The following CELSR1 variants were observed in gnomAD, a reference collection of about 807,000 sequenced individuals.
The protein encoded by CELSR1 is cadherin EGF LAG seven-pass G-type receptor 1.
Under a neutral mutation model 249.1 loss-of-function variants are expected in CELSR1, and 110 were observed. The ratio of observed to expected loss-of-function variants is 0.44; its 90% CI spans 0.38 to 0.52. The LOEUF (loss-of-function observed/expected upper bound fraction) is 0.52. Among genes scored for constraint, CELSR1 ranks in the 20% least tolerant of loss-of-function variants. The pLI is 0.00. For synonymous variants in CELSR1, 2,113 were observed against 1,900.0 expected (o/e 1.11, Z -2.92); for missense variants, 4,109 against 4,296.4 (o/e 0.96, Z 1.22).
At chr22:46,364,323 C>T in intron 33 of CELSR1, 72 bp from the exon 34 acceptor site, 1 of 1,568,968 alleles carries the variant, frequency 6.4e-7, no homozygotes. Context: ...CCGTGTGCAG[C>T]TGAGCCAGCC....
chr22:46,508,790 G>A (rs1301887101), intron 1 of CELSR1, among the ~76,000 whole-genome samples: 2 of 152,184 alleles, frequency 1.3e-5, no homozygotes, highest in African/African-American at 4.8e-5. Flanking sequence ...GCCGAGACAC[G>A]CCTGCCGCGT....
At chr22:46,491,920 A>T (rs1339419895) in intron 1 of CELSR1, among the ~76,000 whole-genome samples, 1 of 152,220 alleles carries the variant, frequency 6.6e-6, no homozygotes, top group Non-Finnish European at 1.5e-5. Flanking sequence ...TATAGGCATG[A>T]GCCACGATGT....
chr22:46,413,916 G>A lies in CELSR1; in HGVS notation c.4612-2157C>T, dbSNP rs983318176. On this transcript the variant is annotated intron_variant, in intron 5 of 34. Coordinates refer to ENST00000674500, the MANE Select transcript of CELSR1 (RefSeq NM_001378328.1). This position sits in a 1 kb window ranked among gnomAD's most constrained non-coding sequence, Gnocchi z 4.7. Reference sequence around the variant, plus strand: ...ATAATTTACATTTTTGGGGCTGGGCGTGAGACTACTGGAGGAAGGGCGTAA... The same window carrying A: ...ATAATTTACATTTTTGGGGCTGGGCATGAGACTACTGGAGGAAGGGCGTAA... Among the ~76,000 whole-genome samples the A allele has an allele frequency of 2.0e-5, 3 of 152,184 alleles. No homozygotes were observed. The highest frequency in any genetic ancestry group is 2.1e-4 in the South Asian group (1 of 4,822).
Position 46,399,826 on chromosome 22 carries a change from C to A in CELSR1, c.5303G>T (p.Arg1768Leu), listed in dbSNP as rs201891817. 6.2e-7 allele frequency: 1 copy of A among 1,614,100 alleles called. No homozygotes were observed. Among genetic ancestry groups the A allele is most frequent in the Admixed American group, 1.7e-5 (1 of 60,004 alleles). Residue 1768 changes from arginine to leucine, a missense_variant, in exon 10 of 35, where the codon CGG (arginine) becomes CTG (leucine). Around this residue, in one of 7 missense-constraint regions of CELSR1, gnomAD observed 1,805 missense variants for 1,831.6 expected, o/e 0.99. Transcript: ENST00000674500. This position sits in a 1 kb window ranked among gnomAD's most constrained non-coding sequence, Gnocchi z 5.0. The stretch of plus-strand genomic sequence containing the variant: ...GTGGTGCCACTCCCCGTCGGTCACC[C>A]GCAACCCGGACAGCATCACGGACTC... ...DVESVMLSGL[R>L]VTDGEWHHLL...
Position 46,527,967 on chromosome 22 carries a change from T to C in CELSR1, c.3544+5660A>G, listed in dbSNP as rs1602244061. Among the ~76,000 whole-genome samples, 1 of 151,858 alleles carries C rather than the reference T, an allele frequency of 6.6e-6. No homozygotes were observed. The highest frequency in any genetic ancestry group is 1.5e-5 in the Non-Finnish European group (1 of 67,962). On this transcript the variant is annotated intron_variant, in intron 1 of 34. Transcript: ENST00000674500. This position sits in a 1 kb window ranked among gnomAD's most constrained non-coding sequence, Gnocchi z 5.5. Reference sequence around the variant, plus strand: ...AAAATTAGCCAGGCATGATGGCGGGTACCTATAATCCCAGCTACTTGGGAA... The same window carrying C: ...AAAATTAGCCAGGCATGATGGCGGGCACCTATAATCCCAGCTACTTGGGAA...
chr22:46,509,991 C>G (rs78524904), intron 1 of CELSR1, among the ~76,000 whole-genome samples: 4,403 of 152,292 alleles, frequency 0.029, 223 homozygotes, highest in African/African-American at 0.099. Flanking sequence ...CATCTGGCCA[C>G]AGGGCTGGAG....
Position 46,390,561 on chromosome 22 carries a change from T to C in CELSR1, c.6251-75A>G, listed in dbSNP as rs2079079306. 8.2e-7 allele frequency: 1 copy of C among 1,222,448 alleles called. No homozygotes were observed. The highest frequency in any genetic ancestry group is 2.4e-5 in the East Asian group (1 of 40,860). 75.7% of individuals were successfully genotyped at this position (1,222,448 alleles called of 1,614,324 possible). ...AATGCTTGTGTATTTCAATCCACAATCTGAATATACTTAAACCCAGAACAC... is the reference window on the plus strand; with the variant it reads ...AATGCTTGTGTATTTCAATCCACAACCTGAATATACTTAAACCCAGAACAC... On this transcript the variant is annotated intron_variant, in intron 16 of 34. Transcript: ENST00000674500. The surrounding 1 kb of genome is among the most constrained non-coding windows in gnomAD (Gnocchi z 6.3).
At position 46,365,623 on chromosome 22, in the gene CELSR1, G is replaced by A. The variant is rs147530261; in HGVS notation, c.8367C>T (p.Asp2789=). Residue 2789 remains aspartate, a synonymous_variant, in exon 31 of 35, where the codon GAC becomes GAT. Coordinates refer to ENST00000674500, the MANE Select transcript of CELSR1 (RefSeq NM_001378328.1). The stretch of plus-strand genomic sequence containing the variant: ...TGCAGCTCCTGGGCATGAGGGACGC[G>A]TCTGGCTCTCCGTGGCTGCCCCTCA... ...GLVRGSHGEP[D]ASLMPRSCKD... 2.0e-4 allele frequency: 320 copies of A among 1,594,358 alleles called. 1 individual carries two copies. The highest frequency in any genetic ancestry group is 2.0e-3 in the African/African-American group (148 of 74,566).
rs573585206 is a variant in CELSR1, at chr22:46,473,519, C to T, written c.3545-9174G>A. Among the ~76,000 whole-genome samples the T allele has an allele frequency of 2.8e-4, 42 of 152,234 alleles. No homozygotes were observed. The highest frequency in any genetic ancestry group is 1.0e-3 in the African/African-American group (42 of 41,544). On this transcript the variant is annotated intron_variant, in intron 1 of 34. Transcript: ENST00000674500. The surrounding 1 kb of genome is among the most constrained non-coding windows in gnomAD (Gnocchi z 6.6). Reference sequence around the variant, plus strand: ...CTTATTCACTGTGAGTCTCCGTCACCACCCCATGCACCAAAGCCTGGGGGG... The same window carrying T: ...CTTATTCACTGTGAGTCTCCGTCACTACCCCATGCACCAAAGCCTGGGGGG...
Position 46,427,922 on chromosome 22 carries a change from G to A in CELSR1, c.4611+5471C>T, listed in dbSNP as rs1026706335. Among the ~76,000 whole-genome samples, 1 of 152,138 alleles carries A rather than the reference G, an allele frequency of 6.6e-6. No individual in the cohort carries two copies. The highest frequency in any genetic ancestry group is 1.5e-5 in the Non-Finnish European group (1 of 68,022). On this transcript the variant is annotated intron_variant, in intron 5 of 34. Transcript: ENST00000674500. The surrounding 1 kb of genome is among the most constrained non-coding windows in gnomAD (Gnocchi z 4.2). ...TCCTCGAGTTTTTAGAACATGTGCA[G>A]AAACGGAGAAGCTCCCCCGACCCCA...
At position 46,490,477 on chromosome 22, in the gene CELSR1, G is replaced by A. The variant is rs2080356686; in HGVS notation, c.3545-26132C>T. Among the ~76,000 whole-genome samples the A allele has an allele frequency of 1.3e-5, 2 of 151,986 alleles. No individual in the cohort carries two copies. The highest frequency in any genetic ancestry group is 2.4e-5 in the African/African-American group (1 of 41,382). On this transcript the variant is annotated intron_variant, in intron 1 of 34. Coordinates refer to ENST00000674500, the MANE Select transcript of CELSR1 (RefSeq NM_001378328.1). This position sits in a 1 kb window ranked among gnomAD's most constrained non-coding sequence, Gnocchi z 5.2. ...AATTTTTGTATTTTTAGTAGAGACG[G>A]GGTTTCACCATGTTGGTCAGGCTGG... is the stretch of plus-strand genomic sequence containing the variant.
Position 46,430,271 on chromosome 22 carries a change from G to T in CELSR1, c.4611+3122C>A, listed in dbSNP as rs996317936. On this transcript the variant is annotated intron_variant, in intron 5 of 34. Coordinates refer to ENST00000674500, the MANE Select transcript of CELSR1 (RefSeq NM_001378328.1). This position sits in a 1 kb window ranked among gnomAD's most constrained non-coding sequence, Gnocchi z 4.6. Reference sequence around the variant, plus strand: ...CACCCTCTCCAGACTGCTGTATGCTGAATTTTTTCAAGTATGTTTTCTTCA... The same window carrying T: ...CACCCTCTCCAGACTGCTGTATGCTTAATTTTTTCAAGTATGTTTTCTTCA... Among the ~76,000 whole-genome samples the T allele has an allele frequency of 2.0e-5, 3 of 152,222 alleles. No individual in the cohort carries two copies. Among genetic ancestry groups the T allele is most frequent in the African/African-American group, 7.2e-5 (3 of 41,454 alleles).
chr22:46,405,314 G>C (rs1214124349), intron 9 of CELSR1, among the ~76,000 whole-genome samples: 3 of 151,626 alleles, frequency 2.0e-5, no homozygotes, highest in Non-Finnish European at 4.4e-5. Flanking sequence ...CAAAAAATTA[G>C]CCAGGCGTCG....
chr22:46,372,332 C>T (rs1256609779), intron 25 of CELSR1, among the ~76,000 whole-genome samples: 3 of 148,872 alleles, frequency 2.0e-5, no homozygotes, highest in Non-Finnish European at 4.5e-5. Context: ...ACTCACTCAC[C>T]CCATCTATCC....
chr22:46,455,306 T>C (rs977075924), intron 2 of CELSR1, among the ~76,000 whole-genome samples: 2 of 152,308 alleles, frequency 1.3e-5, no homozygotes, highest in African/African-American at 4.8e-5. Context: ...CTCGGCTCAC[T>C]GTAACCTCCG....
chr22:46,530,025 T>C (rs1486347201), intron 1 of CELSR1, among the ~76,000 whole-genome samples: 1 of 151,804 alleles, frequency 6.6e-6, no homozygotes, highest in Non-Finnish European at 1.5e-5. Context: ...AATACATACA[T>C]CTAACCAGGC....
rs1391789471 is a variant in CELSR1 at position 46,535,286 on chromosome 22, G to C, written c.1885C>G (p.Pro629Ala). Residue 629 changes from proline to alanine, a missense_variant, in exon 1 of 35, where the codon CCC (proline) becomes GCC (alanine). Physicochemically the swap from Pro to Ala is conservative, Grantham distance 27. This residue lies in a region of CELSR1 where 886 missense variants were observed against 896.5 expected (regional missense o/e 0.99). Coordinates refer to ENST00000674500, the MANE Select transcript of CELSR1 (RefSeq NM_001378328.1). ...PKNPAPTPDFPFQIHNSSGWI... is the reference protein window; with the variant it reads ...PKNPAPTPDFAFQIHNSSGWI... ...CCGGAGCTGTTGTGGATCTGGAAGG[G>C]GAAGTCAGGGGTGGGGGCAGGATTC... The C allele has an allele frequency of 1.2e-6, 2 of 1,611,000 alleles. No homozygotes were observed. The highest frequency in any genetic ancestry group is 8.5e-7 in the Non-Finnish European group (1 of 1,180,008).
chr22:46,456,338 A>C (rs2079948856), intron 2 of CELSR1, among the ~76,000 whole-genome samples: 1 of 152,190 alleles, frequency 6.6e-6, no homozygotes, highest in Non-Finnish European at 1.5e-5. Flanking sequence ...GATCACATGA[A>C]GATGGAAAGC....
At chr22:46,368,782 G>C (rs2078816499) in intron 27 of CELSR1, among the ~76,000 whole-genome samples, 1 of 151,542 alleles carries the variant, frequency 6.6e-6, no homozygotes, top group African/African-American at 2.4e-5. Context: ...CCCTCTGACA[G>C]TGGGGTGGGG....
Sources: gnomAD v4.1 joint callset for allele counts (sites outside exome capture counted in the v4.1 genomes callset) on GRCh38, gnomAD v4.1.1 for gene constraint, gnomAD v4.1.1 regional missense constraint, Gnocchi (gnomAD v3.1) non-coding constraint, MANE v1.5 for transcripts, NCBI Gene and HGNC (gene_info 2026-07-23, HGNC 2026-07-21) for gene names.